Variants in RASGEF1A observed in about 807,000 individuals in gnomAD.
The protein encoded by RASGEF1A is RasGEF domain family member 1A.
RASGEF1A carries 18 observed loss-of-function variants against 56.4 expected under a neutral mutation model. That is an observed-to-expected ratio of 0.32 (90% CI 0.22 to 0.47). RASGEF1A has a LOEUF of 0.47. Ranked by LOEUF, RASGEF1A falls within the 20% of genes least tolerant of loss-of-function variation. RASGEF1A has a pLI of 1.00. For synonymous variants in RASGEF1A, 245 were observed against 242.6 expected (o/e 1.01, Z -0.09); for missense variants, 422 against 627.1 (o/e 0.67, Z 3.49).
At chr10:43,197,949 C>T (rs913655387) in intron 10 of RASGEF1A, 55 bp downstream of exon 10, 23 of 1,476,996 alleles carry the variant, frequency 1.6e-5, no homozygotes, top group Non-Finnish European at 2.1e-5. Flanking sequence ...TGCCTGGCGG[C>T]TCCAGTAGCT....
intron 1 of RASGEF1A, among the ~76,000 whole-genome samples, chr10:43,227,203 G>A (rs1840291348): frequency 6.6e-6 from 1 of 152,166 alleles, no homozygotes; most frequent in African/African-American, 2.4e-5. Flanking sequence ...GGAGATGCAG[G>A]CAGCTTCCCC....
chr10:43,243,438 C>A (rs1253137376), intron 1 of RASGEF1A, among the ~76,000 whole-genome samples: 2 of 150,054 alleles, frequency 1.3e-5, no homozygotes, highest in Non-Finnish European at 3.0e-5. Flanking sequence ...GGCGTCTCTG[C>A]CCGGCCACCC....
At chr10:43,208,057 C>G (rs1466127854) in intron 1 of RASGEF1A, 4 of 985,336 alleles carry the variant, frequency 4.1e-6, no homozygotes, top group Non-Finnish European at 4.8e-6. Context: ...AATGAAGTCA[C>G]GAAGGCGGGC....
intron 1 of RASGEF1A, among the ~76,000 whole-genome samples, chr10:43,255,216 C>T (rs550618193): frequency 3.3e-5 from 5 of 152,266 alleles, no homozygotes; most frequent in Admixed American, 6.5e-5. Context: ...CTATGCTGCA[C>T]GGCCCCACCC....
At chr10:43,262,503 G>T (rs115487844) in intron 1 of RASGEF1A, among the ~76,000 whole-genome samples, 1 of 152,176 alleles carries the variant, frequency 6.6e-6, no homozygotes, top group Admixed American at 6.5e-5. Context: ...GTGCAGCAAC[G>T]TGGCCCAGGC....
chr10:43,245,983 G>T (rs1840563392), intron 1 of RASGEF1A, among the ~76,000 whole-genome samples: 2 of 152,050 alleles, frequency 1.3e-5, no homozygotes, highest in African/African-American at 4.8e-5. Context: ...TCTATTTGCA[G>T]ATGATCTCAT....
chr10:43,263,236 G>C (rs1006648744), intron 1 of RASGEF1A, among the ~76,000 whole-genome samples: 1 of 152,050 alleles, frequency 6.6e-6, no homozygotes, highest in Admixed American at 6.5e-5. Flanking sequence ...ACCAGGGGCC[G>C]GCCAAGCCCA....
At chr10:43,236,418 A>G (rs1356438958) in intron 1 of RASGEF1A, among the ~76,000 whole-genome samples, 1 of 152,230 alleles carries the variant, frequency 6.6e-6, no homozygotes, top group East Asian at 1.9e-4. Context: ...GTGCATAGGC[A>G]TGGGTGTGTG....
chr10:43,221,879 C>A (rs1225255322), intron 1 of RASGEF1A, among the ~76,000 whole-genome samples: 1 of 152,254 alleles, frequency 6.6e-6, no homozygotes, highest in East Asian at 1.9e-4. Context: ...GGGCTGAGGA[C>A]AGGGCACAGC....
chr10:43,261,295 C>T (rs1836523382), intron 1 of RASGEF1A, among the ~76,000 whole-genome samples: 1 of 152,224 alleles, frequency 6.6e-6, no homozygotes, highest in Non-Finnish European at 1.5e-5. Context: ...CTCACTCCAG[C>T]TTGGTCAAGG....
At chr10:43,260,312 TC>T (rs1836502501) in intron 1 of RASGEF1A, among the ~76,000 whole-genome samples, 1 of 139,958 alleles carries the variant, frequency 7.1e-6, no homozygotes, top group Non-Finnish European at 1.6e-5. Flanking sequence ...CTCCTTCCTC[TC>T]CACTCTGCAA....
chr10:43,235,880 G>A (rs1454159008), intron 1 of RASGEF1A, among the ~76,000 whole-genome samples: 2 of 152,126 alleles, frequency 1.3e-5, no homozygotes, highest in African/African-American at 4.8e-5. Context: ...GCCAAGACAG[G>A]GCCCGGGAAG....
In RASGEF1A at chr10:43,198,001, C is replaced by A; in HGVS notation, c.1224+3G>T. On this transcript the variant is annotated splice_donor_region_variant and intron_variant, in intron 10 of 12. Coordinates refer to ENST00000395810, the MANE Select transcript of RASGEF1A (RefSeq NM_145313.4). ...GGCCTGCCCTGTGCTGGGATGAGCT[C>A]ACCTTAAAGTTAATGTGCCCGTTGG... 6.2e-7 allele frequency: 1 copy of A among 1,606,198 alleles called. No individual in the cohort carries two copies. Among genetic ancestry groups the A allele is most frequent in the South Asian group, 1.1e-5 (1 of 90,556 alleles).
At chr10:43,200,054 G>A (rs1039489243) in intron 6 of RASGEF1A, 128 bp downstream of exon 6, 9 of 748,814 alleles carry the variant, frequency 1.2e-5, no homozygotes, top group African/African-American at 3.5e-5. Context: ...CACATCCATC[G>A]GGGCTCATGG....
At chr10:43,225,257 T>TGGGG (rs371870454) in intron 1 of RASGEF1A, among the ~76,000 whole-genome samples, 11 of 39,228 alleles carry the variant, frequency 2.8e-4, no homozygotes, top group South Asian at 1.7e-3. Flanking sequence ...TGGGGGTCTG[T>TGGGG]GGGGGGGGGG....
chr10:43,209,369 G>A lies in RASGEF1A; in HGVS notation c.-6-3247C>T, dbSNP rs371325532. On this transcript the variant is annotated intron_variant, in intron 1 of 12. Transcript: ENST00000395810. ...CAGTGCCAGGATTCATGCCGAGCAA[G>A]CAGCAGGGGTAGGCAGGGAGCCCAA... 3.3e-5 allele frequency among the ~76,000 whole-genome samples: 5 copies of A among 152,224 alleles called. No homozygotes were observed. The East Asian group carries it at 5.8e-4, about 18-fold the overall frequency.
At chr10:43,255,269 G>A (rs899802501) in intron 1 of RASGEF1A, among the ~76,000 whole-genome samples, 3 of 152,176 alleles carry the variant, frequency 2.0e-5, no homozygotes, top group Non-Finnish European at 4.4e-5. Context: ...CCTAGGCCAA[G>A]CCGCCCAGCC....
chr10:43,244,599 A>G (rs1479963067), intron 1 of RASGEF1A, among the ~76,000 whole-genome samples: 1 of 148,524 alleles, frequency 6.7e-6, no homozygotes. Context: ...TATACAAAGT[A>G]TGTTCTGTGA....
At chr10:43,243,451 C>A (rs1213536565) in intron 1 of RASGEF1A, among the ~76,000 whole-genome samples, 1 of 142,622 alleles carries the variant, frequency 7.0e-6, no homozygotes, top group East Asian at 2.2e-4. Flanking sequence ...GGCCACCCCG[C>A]CTGGGAAGTG....
Sources: allele counts gnomAD v4.1 joint callset (sites outside exome capture counted in the v4.1 genomes callset), GRCh38; gene constraint gnomAD v4.1.1; transcripts MANE v1.5; gene names NCBI Gene and HGNC (gene_info 2026-07-23, HGNC 2026-07-21).